Variants in CDH7 observed in about 807,000 individuals in gnomAD.
CDH7 encodes the protein cadherin-7.
In CDH7, 25 loss-of-function variants were observed where a neutral mutation model predicts 71.8. That is an observed-to-expected ratio of 0.35 (90% CI 0.25 to 0.49). The LOEUF (loss-of-function observed/expected upper bound fraction) is 0.49. CDH7 is among the 20% of genes least tolerant of loss of function. The probability of loss-of-function intolerance (pLI) is 0.99; values close to 1 mark genes in which losing one functional copy is unlikely to be tolerated. For synonymous variants in CDH7, 381 were observed against 363.8 expected, an observed-to-expected ratio of 1.05 and a Z score of -0.54; for missense variants, 862 against 974.6, an observed-to-expected ratio of 0.88 and a Z score of 1.54.
chr18:65,852,920 A>G (rs1371440830), intron 7 of CDH7, among the ~76,000 whole-genome samples: 1 of 152,140 alleles, frequency 6.6e-6, no homozygotes, highest in Non-Finnish European at 1.5e-5. Flanking sequence ...AATTTGGGGA[A>G]AAGGTTGATG....
intron 7 of CDH7, among the ~76,000 whole-genome samples, chr18:65,854,418 T>A (rs1161585755): frequency 2.0e-5 from 3 of 152,248 alleles, no homozygotes; most frequent in Non-Finnish European, 4.4e-5. Context: ...GATAGAGTCC[T>A]AGGTTATAAC....
intron 2 of CDH7, among the ~76,000 whole-genome samples, chr18:65,797,360 T>C (rs1910954323): frequency 6.6e-6 from 1 of 152,186 alleles, no homozygotes; most frequent in Non-Finnish European, 1.5e-5. Flanking sequence ...TTTATTACAT[T>C]TCTTTATGAA....
At chr18:65,818,693 A>G (rs914865138) in intron 4 of CDH7, among the ~76,000 whole-genome samples, 1 of 152,220 alleles carries the variant, frequency 6.6e-6, no homozygotes, top group African/African-American at 2.4e-5. Context: ...ATTACCAGTT[A>G]TATCTATTAT....
chr18:65,815,229 A>T (rs181684988), intron 4 of CDH7, among the ~76,000 whole-genome samples: 300 of 152,238 alleles, frequency 2.0e-3, no homozygotes, highest in African/African-American at 4.5e-3. Flanking sequence ...AACATGGGAC[A>T]TTGTTATCTT....
At chr18:65,851,562 T>C (rs1392771988) in intron 7 of CDH7, among the ~76,000 whole-genome samples, 1 of 152,194 alleles carries the variant, frequency 6.6e-6, no homozygotes, top group Non-Finnish European at 1.5e-5. Context: ...GCAGTGATAA[T>C]CACCGGTATT....
chr18:65,794,190 T>C (rs933085489), intron 2 of CDH7, among the ~76,000 whole-genome samples: 1 of 151,744 alleles, frequency 6.6e-6, no homozygotes. Context: ...TCTTTTGTGG[T>C]AGTATATAAG....
intron 2 of CDH7, among the ~76,000 whole-genome samples, chr18:65,792,644 T>G (rs755625115): frequency 6.6e-6 from 1 of 151,996 alleles, no homozygotes; most frequent in Non-Finnish European, 1.5e-5. Flanking sequence ...TGCATTCTAA[T>G]GTTGTAGCAC....
chr18:65,879,196 T>C (rs1914150471), intron 11 of CDH7, among the ~76,000 whole-genome samples: 2 of 152,212 alleles, frequency 1.3e-5, no homozygotes, highest in Non-Finnish European at 2.9e-5. Flanking sequence ...AGGACGTTGA[T>C]GTCCTTCATG....
chr18:65,831,114 T>C (rs1295821759), intron 6 of CDH7, among the ~76,000 whole-genome samples: 2 of 152,190 alleles, frequency 1.3e-5, no homozygotes, highest in Non-Finnish European at 1.5e-5. Flanking sequence ...AGAATGATGA[T>C]ATTATATACT....
chr18:65,825,726 AGGAAAAC>A (rs1190265335), intron 6 of CDH7, among the ~76,000 whole-genome samples: 6 of 151,900 alleles, frequency 3.9e-5, no homozygotes, highest in Non-Finnish European at 7.4e-5. Flanking sequence ...TATTTGTTAT[AGGAAAAC>A]ATATGTTTGA....
chr18:65,829,198 C>T (rs1048984694), intron 6 of CDH7, among the ~76,000 whole-genome samples: 5 of 151,986 alleles, frequency 3.3e-5, no homozygotes, highest in South Asian at 2.1e-4. Context: ...GGGCTCACTG[C>T]AAGCTCCGCC....
chr18:65,825,699 TA>T (rs934206752), intron 6 of CDH7, among the ~76,000 whole-genome samples: 7 of 151,836 alleles, frequency 4.6e-5, no homozygotes, highest in East Asian at 3.9e-4. Context: ...CACATATCAA[TA>T]AAAAAAGTGA....
At chr18:65,870,165 C>A (rs1243029225) in intron 11 of CDH7, among the ~76,000 whole-genome samples, 1 of 152,130 alleles carries the variant, frequency 6.6e-6, no homozygotes, top group Admixed American at 6.5e-5. Flanking sequence ...GTTTAAAATT[C>A]AGTTAAATGT....
Position 65,782,165 on chromosome 18 carries a change from C to CCTTT in CDH7, c.210+19133_210+19136dup, listed in dbSNP as rs1390509392. Among the ~76,000 whole-genome samples the CCTTT allele has an allele frequency of 3.8e-3, 96 of 25,488 alleles. 13 individuals carry two copies. Among genetic ancestry groups the CCTTT allele is most frequent in the South Asian group, 0.02 (10 of 492 alleles). 16.7% of individuals were successfully genotyped at this position (25,488 alleles called of 152,430 possible). ...TTCTTTCTTTCTTTCTTTCTTTCTT[C>CCTTT]CTTTCTTTCTTTCTTTCTTTCTTGA... On this transcript the variant is annotated intron_variant, in intron 2 of 11. Transcript: ENST00000397968.
chr18:65,769,206 C>T (rs954369627), intron 2 of CDH7, among the ~76,000 whole-genome samples: 3 of 152,138 alleles, frequency 2.0e-5, no homozygotes, highest in Non-Finnish European at 2.9e-5. Context: ...CTTTTTAATA[C>T]AATCTTCAAA....
At chr18:65,792,555 AAT>A (rs142174630) in intron 2 of CDH7, among the ~76,000 whole-genome samples, 3,838 of 152,190 alleles carry the variant, frequency 0.025, 154 homozygotes, top group African/African-American at 0.08. Flanking sequence ...CTTCTAAGGT[AAT>A]ATGTGTGTGG....
intron 7 of CDH7, among the ~76,000 whole-genome samples, chr18:65,849,979 T>C (rs1913087785): frequency 6.6e-6 from 1 of 151,388 alleles, no homozygotes; most frequent in South Asian, 2.1e-4. Flanking sequence ...GCCTGGCCCA[T>C]GTGGTGAAGC....
At chr18:65,849,509 T>C (rs1913071255) in intron 7 of CDH7, among the ~76,000 whole-genome samples, 1 of 151,562 alleles carries the variant, frequency 6.6e-6, no homozygotes, top group Non-Finnish European at 1.5e-5. Context: ...GCCTCCCAAG[T>C]TCAAGCAATT....
At chr18:65,781,815 C>CTTTCTTTCTTTCT (rs1568181477) in intron 2 of CDH7, among the ~76,000 whole-genome samples, 1 of 58,324 alleles carries the variant, frequency 1.7e-5, no homozygotes, top group Non-Finnish European at 3.2e-5. Context: ...TCCTTCCTTC[C>CTTTCTTTCTTTCT]TTCCTTCTTT....
Sources: gnomAD v4.1 joint callset for allele counts (sites outside exome capture counted in the v4.1 genomes callset) on GRCh38, gnomAD v4.1.1 for gene constraint, MANE v1.5 for transcripts, NCBI Gene and HGNC (gene_info 2026-07-23, HGNC 2026-07-21) for gene names.